Variants in MTA3 observed in about 807,000 individuals in gnomAD.
MTA3 encodes metastasis associated 1 family member 3, also known as metastasis-associated protein MTA3.
MTA3 carries 34 observed loss-of-function variants against 83.5 expected under a neutral mutation model. The observed-to-expected ratio is 0.41, with a 90% CI of 0.31 to 0.54. The LOEUF is 0.54. Ranked by LOEUF, MTA3 falls within the 20% of genes least tolerant of loss-of-function variation. The pLI, the probability that MTA3 is intolerant of heterozygous loss-of-function variation, is 0.33. For missense variants in MTA3, 761 were observed against 726.4 expected (o/e 1.05, Z -0.55); for synonymous variants, 303 against 252.7 (o/e 1.20, Z -1.89).
At chr2:42,696,621 G>A (rs1485677245) in intron 10 of MTA3, among the ~76,000 whole-genome samples, 1 of 152,158 alleles carries the variant, frequency 6.6e-6, no homozygotes, top group Non-Finnish European at 1.5e-5. Context: ...AAGTATCATA[G>A]TGAGCTGGGT....
At chr2:42,497,073 G>T (rs1399416254) in intron 2 of MTA3, among the ~76,000 whole-genome samples, 5 of 152,104 alleles carry the variant, frequency 3.3e-5, no homozygotes, top group Admixed American at 3.3e-4. Context: ...AGGCATGGTG[G>T]TGCACACCTG....
At chr2:42,701,636 C>T (rs1665568154) in intron 11 of MTA3, among the ~76,000 whole-genome samples, 2 of 152,144 alleles carry the variant, frequency 1.3e-5, no homozygotes, top group African/African-American at 2.4e-5. Flanking sequence ...AATTTGTTGG[C>T]TGGGCACAGT....
chr2:42,728,671 C>T (rs1012278504), intron 16 of MTA3, among the ~76,000 whole-genome samples: 40 of 152,252 alleles, frequency 2.6e-4, no homozygotes, highest in African/African-American at 7.7e-4. Context: ...TAAATGATAC[C>T]TCATTGTAGT....
intron 2 of MTA3, among the ~76,000 whole-genome samples, chr2:42,548,598 C>G (rs771003569): frequency 6.7e-6 from 1 of 149,996 alleles, no homozygotes; most frequent in Admixed American, 6.8e-5. Context: ...TCAAGACCAG[C>G]CTGGGCAACA....
chr2:42,524,313 T>A (rs912752339), intron 2 of MTA3, among the ~76,000 whole-genome samples: 14 of 151,724 alleles, frequency 9.2e-5, no homozygotes, highest in African/African-American at 3.4e-4. Context: ...TATTTTTTTT[T>A]TTTTTTAAAT....
chr2:42,578,355 T>C (rs1422535807), intron 2 of MTA3, among the ~76,000 whole-genome samples: 1 of 152,244 alleles, frequency 6.6e-6, no homozygotes, highest in African/African-American at 2.4e-5. Context: ...ACTGAATTTT[T>C]TTTTGAAGCC....
At chr2:42,624,215 A>T (rs1685858093) in intron 4 of MTA3, among the ~76,000 whole-genome samples, 1 of 151,976 alleles carries the variant, frequency 6.6e-6, no homozygotes, top group Admixed American at 6.6e-5. Flanking sequence ...TTTCAATAAA[A>T]CTGAATTACT....
At chr2:42,597,395 T>C (rs1573150825) in intron 3 of MTA3, among the ~76,000 whole-genome samples, 1 of 109,132 alleles carries the variant, frequency 9.2e-6, no homozygotes, top group Non-Finnish European at 1.9e-5. Flanking sequence ...TTTTTTTTTT[T>C]CTGTTTTTGA....
At chr2:42,639,681 A>G (rs1687526769) in intron 4 of MTA3, among the ~76,000 whole-genome samples, 1 of 152,194 alleles carries the variant, frequency 6.6e-6, no homozygotes, top group Non-Finnish European at 1.5e-5. Context: ...TGAATTAGTT[A>G]TATCCTGATA....
At chr2:42,552,125 G>A (rs1677139246) in intron 2 of MTA3, among the ~76,000 whole-genome samples, 1 of 152,098 alleles carries the variant, frequency 6.6e-6, no homozygotes, top group South Asian at 2.1e-4. Context: ...CCCAAAGTGG[G>A]AGATGTATTT....
intron 2 of MTA3, among the ~76,000 whole-genome samples, chr2:42,513,122 A>G (rs1220653030): frequency 6.6e-6 from 1 of 152,194 alleles, no homozygotes; most frequent in Non-Finnish European, 1.5e-5. Flanking sequence ...TGGGCATACG[A>G]GAGGCTAGTG....
intron 3 of MTA3, among the ~76,000 whole-genome samples, chr2:42,607,256 C>G (rs2104061994): frequency 6.6e-6 from 1 of 152,270 alleles, no homozygotes; most frequent in South Asian, 2.1e-4. Flanking sequence ...TAGAGTAGAG[C>G]AAAGCATACT....
rs185371347 is a variant in MTA3 at position 42,596,393 on chromosome 2, T to C, written c.191-13065T>C. 2.1e-3 allele frequency among the ~76,000 whole-genome samples: 316 copies of C among 152,380 alleles called. 2 individuals carry two copies. The highest frequency in any genetic ancestry group is 7.2e-3 in the African/African-American group (301 of 41,598). On this transcript the variant is annotated intron_variant, in intron 3 of 16. Coordinates refer to ENST00000405094, the MANE Select transcript of MTA3 (RefSeq NM_001330442.2). ...ATCACAGCATTAAAGTAATCAACTT[T>C]CATTTAAAAGGACATTTTTCTCTTG...
At chr2:42,735,752 G>C (rs1668563074) in intron 16 of MTA3, among the ~76,000 whole-genome samples, 1 of 152,142 alleles carries the variant, frequency 6.6e-6, no homozygotes, top group South Asian at 2.1e-4. Context: ...AAGAGACTCT[G>C]ATGTATTTTT....
At chr2:42,629,457 T>C (rs1483456918) in intron 4 of MTA3, among the ~76,000 whole-genome samples, 2 of 152,064 alleles carry the variant, frequency 1.3e-5, no homozygotes, top group Non-Finnish European at 2.9e-5. Context: ...TTAAATTTTT[T>C]TTGGTAGTGT....
chr2:42,650,401 A>G (rs778219668), intron 6 of MTA3, among the ~76,000 whole-genome samples: 19 of 151,990 alleles, frequency 1.3e-4, no homozygotes, highest in Admixed American at 7.9e-4. Context: ...GGTCTGGTCT[A>G]TTTCTGTACA....
intron 3 of MTA3, among the ~76,000 whole-genome samples, chr2:42,587,802 G>T (rs1680518811): frequency 6.6e-6 from 1 of 151,998 alleles, no homozygotes; most frequent in Non-Finnish European, 1.5e-5. Context: ...GGTTTTTGCT[G>T]TGTTGGCCAG....
At chr2:42,593,704 GA>G (rs1259014716) in intron 3 of MTA3, among the ~76,000 whole-genome samples, 7 of 78,388 alleles carry the variant, frequency 8.9e-5, no homozygotes, top group African/African-American at 1.2e-4. Flanking sequence ...TATTGATATG[GA>G]GTCTTTATTT....
intron 3 of MTA3, among the ~76,000 whole-genome samples, chr2:42,609,155 C>A (rs1423016405): frequency 1.3e-5 from 2 of 151,624 alleles, no homozygotes; most frequent in Non-Finnish European, 2.9e-5. Flanking sequence ...CTCAGCCTCC[C>A]GAGTAGCTGG....
Sources: allele counts gnomAD v4.1 joint callset (sites outside exome capture counted in the v4.1 genomes callset), GRCh38; gene constraint gnomAD v4.1.1; transcripts MANE v1.5; gene names NCBI Gene and HGNC (gene_info 2026-07-23, HGNC 2026-07-21).